Variants in HSD11B1 observed in about 807,000 individuals in gnomAD.
HSD11B1 encodes 11-beta-hydroxysteroid dehydrogenase 1.
HSD11B1 carries 15 observed loss-of-function variants against 22.1 expected under a neutral mutation model. That is an observed-to-expected ratio of 0.68 (90% CI 0.45 to 1.04). HSD11B1 has a LOEUF of 1.04. Among genes scored for constraint, HSD11B1 ranks in the 50% least tolerant of loss-of-function variants. The pLI, the probability that HSD11B1 is intolerant of heterozygous loss-of-function variation, is 0.00. For synonymous variants in HSD11B1, 122 were observed against 125.2 expected, an observed-to-expected ratio of 0.97 and a Z score of 0.17; for missense variants, 281 against 357.6, an observed-to-expected ratio of 0.79 and a Z score of 1.73.
chr1:209,732,672 A>G, intron 5 of HSD11B1, 93 bp downstream of exon 5: 1 of 1,046,834 alleles, frequency 9.6e-7, no homozygotes, highest in Non-Finnish European at 1.5e-6. Flanking sequence ...ATATGTATGC[A>G]TGTGCCATGT....
intron 4 of HSD11B1, among the ~76,000 whole-genome samples, chr1:209,711,853 G>A (rs760580501): frequency 6.6e-6 from 1 of 152,280 alleles, no homozygotes; most frequent in African/African-American, 2.4e-5. Flanking sequence ...AGAAAGGAGT[G>A]GGGGAGATTT....
intron 1 of HSD11B1, among the ~76,000 whole-genome samples, chr1:209,695,387 G>A (rs973243873): frequency 1.3e-5 from 2 of 152,152 alleles, no homozygotes; most frequent in Non-Finnish European, 2.9e-5. Context: ...TGGAGAGGGA[G>A]GAATAAAGAA....
chr1:209,719,057 C>T (rs2076949016), intron 4 of HSD11B1, among the ~76,000 whole-genome samples: 1 of 101,984 alleles, frequency 9.8e-6, no homozygotes, highest in Non-Finnish European at 2.1e-5. Context: ...GAAAAGAAAG[C>T]AGGGTCTCAA....
chr1:209,731,868 A>G (rs1228031569), intron 4 of HSD11B1, among the ~76,000 whole-genome samples: 1 of 152,048 alleles, frequency 6.6e-6, no homozygotes, highest in African/African-American at 2.4e-5. Flanking sequence ...GCATGTGCCC[A>G]GCTAATGTTT....
At position 209,706,602 on chromosome 1, in the gene HSD11B1, TA is replaced by T; in HGVS notation, c.220-104del. The stretch of plus-strand genomic sequence containing the variant: ...ACAAACATACTTACCATTTCTTACC[TA>T]AACAGGGCTGTGAGCAATCTCTCAT... On this transcript the variant is annotated intron_variant, in intron 2 of 5. Transcript: ENST00000367027. This position sits in a 1 kb window ranked among gnomAD's most constrained non-coding sequence, Gnocchi z 4.0. The T allele has an allele frequency of 2.5e-6, 2 of 797,446 alleles. No homozygotes were observed. Among genetic ancestry groups the T allele is most frequent in the Non-Finnish European group, 2.3e-6 (1 of 439,646 alleles). 49.4% of individuals were successfully genotyped at this position (797,446 alleles called of 1,614,324 possible). A position where few individuals can be genotyped will look rare whatever the true frequency, so the allele number is the denominator to read the frequency against.
chr1:209,698,998 C>G (rs187324703), intron 1 of HSD11B1, among the ~76,000 whole-genome samples: 1 of 152,108 alleles, frequency 6.6e-6, no homozygotes. Context: ...CCCAGATCCA[C>G]GATTCCGTTA....
rs745791648 is a variant in HSD11B1 at position 209,707,142 on chromosome 1, G to A, written c.517+14G>A. The A allele has an allele frequency of 1.2e-6, 2 of 1,602,786 alleles. No homozygotes were observed. Among genetic ancestry groups the A allele is most frequent in the East Asian group, 4.5e-5 (2 of 44,792 alleles). ...CCTCTCTGGCTGGTAAGTGGGACAG[G>A]GACATATGTGGAAGGTAGAAGAAAA... On this transcript the variant is annotated intron_variant, in intron 4 of 5. Transcript: ENST00000367027.
At chr1:209,712,648 T>A (rs142810166) in intron 4 of HSD11B1, among the ~76,000 whole-genome samples, 518 of 152,336 alleles carry the variant, frequency 3.4e-3, no homozygotes, top group Middle Eastern at 0.024. Context: ...GAAAAATGCA[T>A]GATTCTTATA....
intron 4 of HSD11B1, among the ~76,000 whole-genome samples, chr1:209,718,189 C>CTATA (rs1471268710): frequency 2.0e-5 from 3 of 152,078 alleles, no homozygotes; most frequent in African/African-American, 7.2e-5. Context: ...AGTAGAGTGA[C>CTATA]TATAGTTAGT....
At chr1:209,712,882 C>T (rs186525967) in intron 4 of HSD11B1, among the ~76,000 whole-genome samples, 1 of 152,266 alleles carries the variant, frequency 6.6e-6, no homozygotes, top group East Asian at 1.9e-4. Flanking sequence ...AAGCCCGTCT[C>T]TACCAAAAAT....
intron 4 of HSD11B1, among the ~76,000 whole-genome samples, chr1:209,728,679 C>G (rs532824131): frequency 6.6e-6 from 1 of 152,326 alleles, no homozygotes; most frequent in African/African-American, 2.4e-5. Context: ...TGGCTCTGCT[C>G]TCTTCCATGT....
At chr1:209,713,412 T>C (rs1316075738) in intron 4 of HSD11B1, among the ~76,000 whole-genome samples, 1 of 152,258 alleles carries the variant, frequency 6.6e-6, no homozygotes, top group African/African-American at 2.4e-5. Flanking sequence ...TGTGTAACTT[T>C]TATAATCATA....
chr1:209,692,349 A>G (rs1465848632), intron 1 of HSD11B1, among the ~76,000 whole-genome samples: 1 of 152,124 alleles, frequency 6.6e-6, no homozygotes, highest in Admixed American at 6.5e-5. Context: ...AATGGAGGAA[A>G]AGAGATCTCA....
chr1:209,705,869 G>A lies in HSD11B1; in HGVS notation c.147G>A (p.Glu49=). Residue 49 remains glutamate, a synonymous_variant, in exon 2 of 6, where the codon GAG becomes GAA. Coordinates refer to ENST00000367027, the MANE Select transcript of HSD11B1 (RefSeq NM_005525.4). ...GGGCCAGCAAAGGGATCGGAAGAGA[G>A]ATGGCTTATCATCTGGCGAAGATGG... ...VTGASKGIGR[E]MAYHLAKMGA... The A allele has an allele frequency of 1.2e-6, 2 of 1,614,046 alleles. No homozygotes were observed. The highest frequency in any genetic ancestry group is 1.7e-6 in the Non-Finnish European group (2 of 1,179,920).
At chr1:209,705,744 C>T in intron 1 of HSD11B1, 67 bp from the exon 2 acceptor site, 1 of 1,602,700 alleles carries the variant, frequency 6.2e-7, no homozygotes, top group Non-Finnish European at 8.5e-7. Flanking sequence ...TGCCTATATC[C>T]AGAGAGGGAG....
intron 4 of HSD11B1, among the ~76,000 whole-genome samples, chr1:209,719,019 C>CAGAAAAAAAAAAAA (rs2076948049): frequency 2.8e-5 from 1 of 35,708 alleles, no homozygotes; most frequent in Non-Finnish European, 4.6e-5. Flanking sequence ...GACTCCATCT[C>CAGAAAAAAAAAAAA]AAAAAAAAAA....
chr1:209,693,244 G>A (rs1332639290), intron 1 of HSD11B1, among the ~76,000 whole-genome samples: 1 of 152,206 alleles, frequency 6.6e-6, no homozygotes, highest in Admixed American at 6.5e-5. Flanking sequence ...TGAAGCCTGG[G>A]AAAACTTTCT....
At chr1:209,705,099 A>G (rs930537172) in intron 1 of HSD11B1, 69 bp downstream of exon 1, 2 of 1,211,252 alleles carry the variant, frequency 1.7e-6, no homozygotes, top group Non-Finnish European at 2.5e-6. Context: ...AGTGTTCCTG[A>G]GGACCAAGAT....
intron 4 of HSD11B1, among the ~76,000 whole-genome samples, chr1:209,717,606 A>C (rs2076937821): frequency 6.6e-6 from 1 of 152,170 alleles, no homozygotes; most frequent in African/African-American, 2.4e-5. Flanking sequence ...CTCTAATCCC[A>C]GCACTTTGGG....
Sources: gnomAD v4.1 joint callset for allele counts (sites outside exome capture counted in the v4.1 genomes callset) on GRCh38, gnomAD v4.1.1 for gene constraint, Gnocchi (gnomAD v3.1) non-coding constraint, MANE v1.5 for transcripts, NCBI Gene and HGNC (gene_info 2026-07-23, HGNC 2026-07-21) for gene names.